The following SULF2 variants were observed in gnomAD, a reference collection of about 807,000 sequenced individuals.
SULF2 encodes the protein extracellular sulfatase Sulf-2.
In SULF2, 52 loss-of-function variants were observed where a neutral mutation model predicts 107.7. The observed-to-expected ratio is 0.48, with a 90% CI of 0.39 to 0.61. The LOEUF (loss-of-function observed/expected upper bound fraction) is 0.61. SULF2 is among the 20% of genes least tolerant of loss of function. The pLI, the probability that SULF2 is intolerant of heterozygous loss-of-function variation, is 0.00. For synonymous variants in SULF2, 460 were observed against 464.3 expected, an observed-to-expected ratio of 0.99 and a Z score of 0.12; for missense variants, 993 against 1,177.3, an observed-to-expected ratio of 0.84 and a Z score of 2.29.
At chr20:47,665,406 A>G (rs1042173214) in intron 13 of SULF2, 113 bp from the exon 14 acceptor site, 34 of 779,074 alleles carry the variant, frequency 4.4e-5, no homozygotes, top group Non-Finnish European at 7.0e-5. Context: ...GGCAGCCTGC[A>G]CTCCCCGGGC....
intron 3 of SULF2, among the ~76,000 whole-genome samples, chr20:47,730,896 C>A (rs991724818): frequency 6.6e-6 from 1 of 152,180 alleles, no homozygotes; most frequent in Admixed American, 6.5e-5. Context: ...GGGACTCAGC[C>A]AGCTGCTGCA....
chr20:47,661,926 AG>A, intron 17 of SULF2, 30 bp from the exon 18 acceptor site: 1 of 1,522,740 alleles, frequency 6.6e-7, no homozygotes, highest in Non-Finnish European at 8.9e-7. Context: ...TCTGTCAACA[AG>A]GTAAGTACAG....
At chr20:47,785,942 G>A (rs1270473908), upstream of SULF2, 1 of 152,730 alleles carries the variant, frequency 6.5e-6, no homozygotes, top group African/African-American at 2.4e-5. Context: ...TGAACGCAGA[G>A]CTGGGGTCCC....
chr20:47,675,496 G>A (rs1043431545), intron 10 of SULF2, among the ~76,000 whole-genome samples: 9 of 152,312 alleles, frequency 5.9e-5, no homozygotes, highest in Admixed American at 5.2e-4. Flanking sequence ...AGGCCTGTAT[G>A]GGCCTGTACT....
intron 1 of SULF2, among the ~76,000 whole-genome samples, chr20:47,780,926 C>A (rs1262401252): frequency 6.6e-6 from 1 of 152,258 alleles, no homozygotes; most frequent in Non-Finnish European, 1.5e-5. Flanking sequence ...CTCCAGAGCT[C>A]TCTTCGCCAA....
chr20:47,746,977 A>ATT (rs1491229744), intron 2 of SULF2, among the ~76,000 whole-genome samples: 4 of 52,890 alleles, frequency 7.6e-5, no homozygotes, highest in African/African-American at 2.4e-4. Context: ...TAGAACTTAA[A>ATT]TAAATAAAAA....
chr20:47,667,870 C>T (rs1055137115), intron 11 of SULF2, among the ~76,000 whole-genome samples: 1 of 152,104 alleles, frequency 6.6e-6, no homozygotes, highest in African/African-American at 2.4e-5. Context: ...CTCACGTGGC[C>T]CGGGTGCCAC....
At chr20:47,760,738 G>C (rs969037751) in intron 1 of SULF2, among the ~76,000 whole-genome samples, 1 of 152,212 alleles carries the variant, frequency 6.6e-6, no homozygotes, top group Non-Finnish European at 1.5e-5. Flanking sequence ...GTGGCTCTGA[G>C]AGTCACAATT....
chr20:47,743,847 C>T (rs960632493), intron 2 of SULF2, among the ~76,000 whole-genome samples: 1 of 152,204 alleles, frequency 6.6e-6, no homozygotes, highest in African/African-American at 2.4e-5. Flanking sequence ...ACACACCAAG[C>T]ACGCTTCTGC....
At chr20:47,673,459 G>A (rs1237148618) in intron 10 of SULF2, among the ~76,000 whole-genome samples, 1 of 152,210 alleles carries the variant, frequency 6.6e-6, no homozygotes, top group Admixed American at 6.5e-5. Flanking sequence ...TGCAAGAGCT[G>A]TAAGGAAAAG....
At chr20:47,676,657 C>G in intron 9 of SULF2, 34 bp from the exon 10 acceptor site, 1 of 1,546,792 alleles carries the variant, frequency 6.5e-7, no homozygotes, top group Non-Finnish European at 8.7e-7. Flanking sequence ...GCGGGGCCGG[C>G]CTCTCAGCTC....
chr20:47,782,685 C>T (rs374460016), intron 1 of SULF2, among the ~76,000 whole-genome samples: 61 of 152,280 alleles, frequency 4.0e-4, no homozygotes, highest in African/African-American at 1.4e-3. Flanking sequence ...GCTTTTCCAT[C>T]AGCTGCATTT....
At chr20:47,771,721 G>A (rs11907709) in intron 1 of SULF2, among the ~76,000 whole-genome samples, 1,951 of 152,224 alleles carry the variant, frequency 0.013, 44 homozygotes, top group African/African-American at 0.045. Context: ...GGGGGCGGGG[G>A]CAGTGATGAT....
At chr20:47,741,992 T>G (rs928705330) in intron 2 of SULF2, among the ~76,000 whole-genome samples, 16 of 152,176 alleles carry the variant, frequency 1.1e-4, no homozygotes, top group Admixed American at 3.3e-4. Context: ...AGCTGTGAGG[T>G]GCTCTTGGCC....
chr20:47,729,808 G>C (rs988072444), intron 3 of SULF2, among the ~76,000 whole-genome samples: 1 of 152,214 alleles, frequency 6.6e-6, no homozygotes, highest in African/African-American at 2.4e-5. Flanking sequence ...GGTAGATCCA[G>C]AGAGTGGCAG....
chr20:47,762,920 C>A (rs928103637), intron 1 of SULF2, among the ~76,000 whole-genome samples: 2 of 152,252 alleles, frequency 1.3e-5, no homozygotes, highest in African/African-American at 4.8e-5. Flanking sequence ...CAGATCAAGT[C>A]ATCAGTGGGT....
chr20:47,683,003 G>A lies in SULF2; in HGVS notation c.1055C>T (p.Ala352Val), dbSNP rs997619393. Reference sequence around the variant, plus strand: ...GGGATGACACACTTACAGACAGCCGGCTTCCACGTTGGGGCCCCTCACGTA... The same window carrying A: ...GGGATGACACACTTACAGACAGCCGACTTCCACGTTGGGGCCCCTCACGTA... ...PFYVRGPNVE[A>V]GCLNPHIVLN... Residue 352 changes from alanine to valine, a missense_variant, in exon 7 of 21, where the codon GCC becomes GTC. Physicochemically the swap from Ala to Val is moderately conservative, Grantham distance 64. This residue lies in a region of SULF2 where 108 missense variants were observed against 183.9 expected (regional missense o/e 0.59). Coordinates refer to ENST00000688720, the MANE Select transcript of SULF2 (RefSeq NM_001387048.1). The A allele has an allele frequency of 2.5e-6, 4 of 1,607,496 alleles. No homozygotes were observed. In the African/African-American group the frequency reaches 4.0e-5, roughly 16 times the overall value.
intron 3 of SULF2, among the ~76,000 whole-genome samples, chr20:47,713,445 C>T (rs1474578707): frequency 1.3e-5 from 2 of 152,134 alleles, no homozygotes; most frequent in East Asian, 1.9e-4. Context: ...GTACCATTAA[C>T]GACAGGGTTG....
intron 2 of SULF2, among the ~76,000 whole-genome samples, chr20:47,752,160 A>C (rs555130116): frequency 6.6e-6 from 1 of 152,360 alleles, no homozygotes; most frequent in African/African-American, 2.4e-5. Flanking sequence ...TAGACAAACA[A>C]CACTGTGGCA....
Sources: allele counts gnomAD v4.1 joint callset (sites outside exome capture counted in the v4.1 genomes callset), GRCh38; gene constraint gnomAD v4.1.1; regional missense constraint gnomAD v4.1.1; transcripts MANE v1.5; gene names NCBI Gene and HGNC (gene_info 2026-07-23, HGNC 2026-07-21).